Variants in AFAP1L2 observed in about 807,000 individuals in gnomAD.
AFAP1L2 encodes the protein actin filament-associated protein 1-like 2.
In AFAP1L2, 46 loss-of-function variants were observed where a neutral mutation model predicts 99.3. The observed-to-expected ratio is 0.46, with a 90% CI of 0.37 to 0.59. The LOEUF (loss-of-function observed/expected upper bound fraction) is 0.59. Ranked by LOEUF, AFAP1L2 falls within the 20% of genes least tolerant of loss-of-function variation. AFAP1L2 has a pLI of 0.00. For missense variants in AFAP1L2, 959 were observed against 1,034.9 expected (o/e 0.93, Z 1.01); for synonymous variants, 397 against 419.1 (o/e 0.95, Z 0.64).
intron 4 of AFAP1L2, chr10:114,325,887 T>C (rs547445776): frequency 1.9e-5 from 25 of 1,288,016 alleles, no homozygotes; most frequent in African/African-American, 1.7e-4. Flanking sequence ...CTCGCCTCTG[T>C]GGCAGTAAGG....
chr10:114,349,805 GC>G (rs1233238544), intron 1 of AFAP1L2, among the ~76,000 whole-genome samples: 1 of 150,992 alleles, frequency 6.6e-6, no homozygotes, highest in African/African-American at 2.4e-5. Context: ...CCAAGAAATG[GC>G]GAGGGGGGCG....
intron 13 of AFAP1L2, 138 bp from the exon 14 acceptor site, chr10:114,300,828 A>C (rs2041039033): frequency 1.7e-6 from 2 of 1,201,316 alleles, no homozygotes; most frequent in Non-Finnish European, 2.3e-6. Context: ...TGGGGGGGCC[A>C]CTGGCTGAGT....
chr10:114,374,409 G>A (rs562639660), intron 1 of AFAP1L2, among the ~76,000 whole-genome samples: 5 of 152,290 alleles, frequency 3.3e-5, no homozygotes, highest in Admixed American at 3.3e-4. Flanking sequence ...AATCAGGACA[G>A]TGGTCTCATT....
intron 1 of AFAP1L2, among the ~76,000 whole-genome samples, chr10:114,403,655 G>C (rs957446540): frequency 6.6e-6 from 1 of 152,184 alleles, no homozygotes; most frequent in African/African-American, 2.4e-5. Flanking sequence ...TTGTAGACCA[G>C]CTCCGAGGCT....
At chr10:114,287,107 A>G in the AFAP1L2 span, among the ~76,000 whole-genome samples, 1 of 152,116 alleles carries the variant, frequency 6.6e-6, no homozygotes. Context: ...TATGACCCCT[A>G]TTGGAAGGCA....
At chr10:114,328,283 G>A (rs981159468) in intron 4 of AFAP1L2, among the ~76,000 whole-genome samples, 2 of 152,190 alleles carry the variant, frequency 1.3e-5, no homozygotes, top group Non-Finnish European at 2.9e-5. Context: ...TAAGCATCCC[G>A]AGCCTGTGAC....
intron 1 of AFAP1L2, among the ~76,000 whole-genome samples, chr10:114,402,077 T>G (rs997868447): frequency 6.6e-5 from 10 of 152,202 alleles, no homozygotes; most frequent in African/African-American, 2.4e-4. Flanking sequence ...TTCTTTACAG[T>G]TTTTACTTAG....
At chr10:114,321,273 C>T (rs1354187057) in intron 5 of AFAP1L2, among the ~76,000 whole-genome samples, 1 of 152,078 alleles carries the variant, frequency 6.6e-6, no homozygotes, top group Non-Finnish European at 1.5e-5. Flanking sequence ...AATCTTCCCC[C>T]GCTAGTCCCC....
At chr10:114,322,605 C>T (rs537095782) in intron 5 of AFAP1L2, among the ~76,000 whole-genome samples, 64 of 152,328 alleles carry the variant, frequency 4.2e-4, no homozygotes, top group African/African-American at 1.4e-3. Context: ...AAGCCCAGCT[C>T]CTGTTCTGTT....
chr10:114,329,810 G>GAAC (rs770759256), intron 4 of AFAP1L2, among the ~76,000 whole-genome samples: 9 of 152,156 alleles, frequency 5.9e-5, no homozygotes, highest in Admixed American at 5.9e-4. Flanking sequence ...GAGGAATTGG[G>GAAC]AACAACAACA....
At chr10:114,378,809 T>A (rs921744055) in intron 1 of AFAP1L2, among the ~76,000 whole-genome samples, 1 of 152,174 alleles carries the variant, frequency 6.6e-6, no homozygotes, top group Non-Finnish European at 1.5e-5. Context: ...ATGCACCAGA[T>A]AGAGAAGTGA....
At chr10:114,364,892 C>T (rs1378048911) in intron 1 of AFAP1L2, among the ~76,000 whole-genome samples, 1 of 152,166 alleles carries the variant, frequency 6.6e-6, no homozygotes, top group Non-Finnish European at 1.5e-5. Context: ...CTTCTCGGGT[C>T]ATGAATTTTG....
In AFAP1L2 at chr10:114,385,545, C is replaced by T. The variant is rs556816485; in HGVS notation, c.16+18895G>A. Among the ~76,000 whole-genome samples the T allele has an allele frequency of 1.4e-3, 218 of 152,252 alleles. 1 individual carries two copies. Among genetic ancestry groups the T allele is most frequent in the African/African-American group, 3.0e-3 (124 of 41,546 alleles). ...TGGGTTTGGATGCTGCCAGGTTGGCCGTGGGCTTTTGCTGGGGTTACCCCT... is the reference window on the plus strand; with the variant it reads ...TGGGTTTGGATGCTGCCAGGTTGGCTGTGGGCTTTTGCTGGGGTTACCCCT... On this transcript the variant is annotated intron_variant, in intron 1 of 18. Transcript: ENST00000304129.
intron 14 of AFAP1L2, 33 bp downstream of exon 14, chr10:114,300,412 G>C: frequency 6.3e-7 from 1 of 1,593,020 alleles, no homozygotes; most frequent in Non-Finnish European, 8.5e-7. Context: ...GCGCAGGAAG[G>C]TGGTCTTGCT....
Position 114,304,832 on chromosome 10 carries a change from C to T in AFAP1L2, c.1171G>A (p.Val391Met). The change falls in exon 11 of 19, where the codon GTG becomes ATG. Residue 391 changes from valine (V) to methionine (M), a missense_variant. Physicochemically the swap from Val to Met is conservative, Grantham distance 21 (BLOSUM62 1). Coordinates refer to ENST00000304129, the MANE Select transcript of AFAP1L2 (RefSeq NM_001001936.3). ...ACCAGGCTGAGGGGTTGCTGGGCCA[C>T]CTTGCTCCGGTTCCGGTCCTGGTAG... Reference protein sequence around the residue: ...HFYQDRNRSKVAQQPLSLVGC... With the variant: ...HFYQDRNRSKMAQQPLSLVGC... 1 of 1,613,476 alleles carries T rather than the reference C, an allele frequency of 6.2e-7. No individual in the cohort carries two copies. The highest frequency in any genetic ancestry group is 8.5e-7 in the Non-Finnish European group (1 of 1,180,024).
rs140219291 is a variant in AFAP1L2 at position 114,328,897 on chromosome 10, G to A, written c.315+2906C>T. 3.2e-3 allele frequency among the ~76,000 whole-genome samples: 481 copies of A among 152,344 alleles called. 4 individuals are homozygous for A. Among genetic ancestry groups the A allele is most frequent in the Middle Eastern group, 6.8e-3 (2 of 294 alleles). ...CACACCACATCTGGAACACCCTGGGGTAGAGGTGGGTGCCTTGCACAAGAC... is the reference window on the plus strand; with the variant it reads ...CACACCACATCTGGAACACCCTGGGATAGAGGTGGGTGCCTTGCACAAGAC... On this transcript the variant is annotated intron_variant, in intron 4 of 18. Transcript: ENST00000304129.
the AFAP1L2 span, among the ~76,000 whole-genome samples, chr10:114,288,637 G>A: frequency 6.6e-6 from 1 of 152,216 alleles, no homozygotes; most frequent in Non-Finnish European, 1.5e-5. Flanking sequence ...GAAGTGGAAG[G>A]TAAGCAGCTT....
chr10:114,306,881 C>G (rs1046584534), intron 10 of AFAP1L2, among the ~76,000 whole-genome samples: 2 of 152,172 alleles, frequency 1.3e-5, no homozygotes, highest in African/African-American at 4.8e-5. Flanking sequence ...GAGGCCACTG[C>G]CTGGCACCCT....
At chr10:114,404,630 CCCCAGCGCCCCTGT>C (rs562518069), upstream of AFAP1L2, 575 of 890,596 alleles carry the variant, frequency 6.5e-4, 5 homozygotes, top group African/African-American at 7.9e-3. Context: ...CAGGGCTCGC[CCCCAGCGCCCCTGT>C]CCCAGCGCCC....
Sources: gnomAD v4.1 joint callset for allele counts (sites outside exome capture counted in the v4.1 genomes callset) on GRCh38, gnomAD v4.1.1 for gene constraint, MANE v1.5 for transcripts, NCBI Gene and HGNC (gene_info 2026-07-23, HGNC 2026-07-21) for gene names.